RLIG1: variants seen among roughly 807,000 people sequenced by gnomAD.
The protein encoded by RLIG1 is RNA 5'-phosphate and 3'-OH ligase 1, also known as RNA ligase 1.
At chr12:88,044,991 AG>A in the RLIG1 span, 1 of 152,602 alleles carries the variant, frequency 6.6e-6, no homozygotes, top group Non-Finnish European at 1.5e-5. Context: ...GTACAGCAAA[AG>A]CAAATTTAAG....
chr12:88,043,063 G>T, the RLIG1 span: 1,411 of 415,016 alleles, frequency 3.4e-3, 32 homozygotes, highest in Admixed American at 0.034. Flanking sequence ...TATATAAAAG[G>T]ATATTATTGA....
chr12:88,049,466 A>G, the RLIG1 span: 1 of 934,800 alleles, frequency 1.1e-6, no homozygotes, highest in Non-Finnish European at 1.6e-6. Flanking sequence ...TACATATTTT[A>G]CGTTTGAACA....
At chr12:88,040,209 G>A in the RLIG1 span, 42 of 1,610,172 alleles carry the variant, frequency 2.6e-5, no homozygotes, top group Middle Eastern at 3.3e-4. Context: ...GATATATACA[G>A]TGCAATTCCA....
the RLIG1 span, chr12:88,046,999 T>G: frequency 6.3e-7 from 1 of 1,576,884 alleles, no homozygotes; most frequent in Non-Finnish European, 8.6e-7. Flanking sequence ...ATAGCTCCGG[T>G]GGGGTTATGT....
the RLIG1 span, among the ~76,000 whole-genome samples, chr12:88,037,203 A>G: frequency 1.3e-5 from 2 of 152,192 alleles, no homozygotes; most frequent in East Asian, 1.9e-4. Context: ...GATCACCTCT[A>G]GAGTGTTTTT....
chr12:88,045,324 AG>A, the RLIG1 span: 2 of 350,186 alleles, frequency 5.7e-6, no homozygotes, highest in Non-Finnish European at 1.0e-5. Context: ...TTAATGAATA[AG>A]GGTGAATTTT....
At chr12:88,042,804 CTT>C in the RLIG1 span, 1 of 1,439,310 alleles carries the variant, frequency 6.9e-7, no homozygotes, top group Non-Finnish European at 9.2e-7. Flanking sequence ...CATACTTTTC[CTT>C]TTGTTATTAC....
chr12:88,048,134 G>GTCTT, the RLIG1 span: 5 of 817,670 alleles, frequency 6.1e-6, no homozygotes, highest in Non-Finnish European at 8.7e-6. Context: ...ATAAAGTGGA[G>GTCTT]TCTTACCCAG....
the RLIG1 span, chr12:88,046,790 C>A: frequency 6.3e-7 from 1 of 1,583,942 alleles, no homozygotes; most frequent in Non-Finnish European, 8.6e-7. Context: ...TGGCTAATGG[C>A]AAATTTTCCC....
the RLIG1 span, chr12:88,043,479 A>G: frequency 4.4e-4 from 272 of 613,860 alleles, 2 homozygotes; most frequent in East Asian, 7.5e-3. Flanking sequence ...TGAATGGAGA[A>G]TAATTGTATC....
the RLIG1 span, among the ~76,000 whole-genome samples, chr12:88,039,159 T>G: frequency 5.3e-5 from 8 of 152,276 alleles, no homozygotes; most frequent in South Asian, 1.7e-3. Flanking sequence ...TGAGCATCTA[T>G]TAGCTTTGCA....
the RLIG1 span, among the ~76,000 whole-genome samples, chr12:88,045,993 CTGTAA>C: frequency 6.6e-6 from 1 of 152,062 alleles, no homozygotes; most frequent in Non-Finnish European, 1.5e-5. Context: ...TCATTCTTTC[CTGTAA>C]TAACATTACA....
the RLIG1 span, chr12:88,035,760 G>C: frequency 1.3e-6 from 2 of 1,573,120 alleles, no homozygotes; most frequent in East Asian, 2.4e-5. Context: ...CGCCGGGCAG[G>C]CTTGGCGGCC....
At chr12:88,045,881 A>G in the RLIG1 span, 7 of 881,738 alleles carry the variant, frequency 7.9e-6, no homozygotes, top group Non-Finnish European at 1.0e-5. Flanking sequence ...GAAATGACTA[A>G]CAAATTTGAG....
At chr12:88,042,037 G>A in the RLIG1 span, 3 of 152,148 alleles carry the variant, frequency 2.0e-5, no homozygotes, top group Admixed American at 6.5e-5. Context: ...GTAAAGATGT[G>A]TATTATAGCC....
At chr12:88,035,823 C>T in the RLIG1 span, 5 of 1,543,812 alleles carry the variant, frequency 3.2e-6, no homozygotes, top group Non-Finnish European at 4.4e-6. Context: ...GCGAGGGCGG[C>T]TGGGCGCTTT....
At chr12:88,042,290 C>G in the RLIG1 span, 20 of 152,164 alleles carry the variant, frequency 1.3e-4, 1 homozygote, top group African/African-American at 4.8e-4. Flanking sequence ...GTTCTCAGAC[C>G]AAGCTATCAG....
At chr12:88,045,757 A>C in the RLIG1 span, 2 of 1,612,996 alleles carry the variant, frequency 1.2e-6, no homozygotes, top group Non-Finnish European at 1.7e-6. Context: ...TCATAGGAAC[A>C]AATATCAATG....
At chr12:88,036,030 C>G in the RLIG1 span, 1 of 1,460,958 alleles carries the variant, frequency 6.8e-7, no homozygotes, top group Non-Finnish European at 9.1e-7. Flanking sequence ...CAGCATGTCC[C>G]TTCCTTTTCA....
Sources: gnomAD v4.1 joint callset for allele counts (sites outside exome capture counted in the v4.1 genomes callset) on GRCh38, gnomAD v4.1.1 for gene constraint, MANE v1.5 for transcripts, NCBI Gene and HGNC (gene_info 2026-07-23, HGNC 2026-07-21) for gene names.